Variants in ADARB2 observed in about 807,000 individuals in gnomAD.
ADARB2 encodes the protein adenosine deaminase RNA specific B2 (inactive).
Under a neutral mutation model 62.2 loss-of-function variants are expected in ADARB2, and 25 were observed. That is an observed-to-expected ratio of 0.40 (90% CI 0.29 to 0.56). ADARB2 has a LOEUF of 0.56. ADARB2 is among the 20% of genes least tolerant of loss of function. The pLI is 0.43. For synonymous variants in ADARB2, 572 were observed against 500.8 expected, an observed-to-expected ratio of 1.14 and a Z score of -1.90; for missense variants, 1,071 against 1,077.4, an observed-to-expected ratio of 0.99 and a Z score of 0.08.
chr10:1,352,156 C>T (rs1379504721), intron 3 of ADARB2, among the ~76,000 whole-genome samples: 1 of 151,944 alleles, frequency 6.6e-6, no homozygotes, highest in Admixed American at 6.6e-5. Flanking sequence ...TCATCTGTTA[C>T]CTATCTTGTC....
At chr10:1,444,413 A>G (rs78812530) in intron 1 of ADARB2, among the ~76,000 whole-genome samples, 215 of 140,776 alleles carry the variant, frequency 1.5e-3, no homozygotes, top group African/African-American at 5.6e-3. Context: ...CCATCTATCC[A>G]TCCTCTATCC....
intron 1 of ADARB2, among the ~76,000 whole-genome samples, chr10:1,388,441 C>A (rs567356132): frequency 6.6e-6 from 1 of 152,058 alleles, no homozygotes; most frequent in Non-Finnish European, 1.5e-5. Flanking sequence ...CTGACTTTAT[C>A]CTCATGGCAT....
intron 1 of ADARB2, among the ~76,000 whole-genome samples, chr10:1,532,960 G>A (rs899317721): frequency 2.0e-4 from 30 of 152,180 alleles, no homozygotes; most frequent in African/African-American, 7.2e-4. Flanking sequence ...ACCCTGCCCT[G>A]AAATGAAGGG....
intron 1 of ADARB2, among the ~76,000 whole-genome samples, chr10:1,516,573 G>T (rs1832012349): frequency 6.6e-6 from 1 of 152,202 alleles, no homozygotes; most frequent in Middle Eastern, 3.4e-3. Context: ...TGTGCGGGCT[G>T]CTCTGTGCTT....
chr10:1,461,671 TTC>T (rs148603169), intron 1 of ADARB2, among the ~76,000 whole-genome samples: 11,074 of 139,202 alleles, frequency 0.08, 460 homozygotes, highest in East Asian at 0.15. Flanking sequence ...TCTTTTTTTT[TTC>T]CTTTTTTTCT....
intron 1 of ADARB2, among the ~76,000 whole-genome samples, chr10:1,610,469 G>A (rs1189387989): frequency 6.6e-6 from 1 of 152,162 alleles, no homozygotes; most frequent in Non-Finnish European, 1.5e-5. Flanking sequence ...TACTTTTCTG[G>A]GTAAAACAAG....
At chr10:1,548,125 G>A (rs1237185809) in intron 1 of ADARB2, among the ~76,000 whole-genome samples, 10 of 152,246 alleles carry the variant, frequency 6.6e-5, no homozygotes, top group African/African-American at 9.6e-5. Context: ...AACCTTGGAC[G>A]CCGAAGCTCA....
chr10:1,246,804 T>C (rs575859176), intron 4 of ADARB2, among the ~76,000 whole-genome samples: 37 of 151,456 alleles, frequency 2.4e-4, no homozygotes, highest in Admixed American at 2.4e-3. Context: ...TGGCTTAGGA[T>C]TGACTTGGTG....
chr10:1,435,701 C>T (rs556228260), intron 1 of ADARB2, among the ~76,000 whole-genome samples: 12 of 152,336 alleles, frequency 7.9e-5, no homozygotes, highest in African/African-American at 2.9e-4. Context: ...CTCAGGCCTG[C>T]CTGCGTCCAG....
intron 1 of ADARB2, among the ~76,000 whole-genome samples, chr10:1,692,897 G>A (rs1456599064): frequency 2.0e-5 from 3 of 152,160 alleles, no homozygotes; most frequent in African/African-American, 7.2e-5. Flanking sequence ...AAGACTTGCA[G>A]AGTTATTCAT....
chr10:1,727,923 G>T (rs1835187747), intron 1 of ADARB2, among the ~76,000 whole-genome samples: 1 of 152,182 alleles, frequency 6.6e-6, no homozygotes, highest in Non-Finnish European at 1.5e-5. Flanking sequence ...TACAGTTTTT[G>T]TCTAAAGACA....
intron 3 of ADARB2, among the ~76,000 whole-genome samples, chr10:1,338,674 C>T (rs556297416): frequency 4.1e-4 from 62 of 151,852 alleles, no homozygotes; most frequent in African/African-American, 1.3e-3. Flanking sequence ...GTGGCTCCTA[C>T]GTGGGCCAGC....
chr10:1,608,962 A>G (rs1447250102), intron 1 of ADARB2, among the ~76,000 whole-genome samples: 1 of 151,980 alleles, frequency 6.6e-6, no homozygotes, highest in Non-Finnish European at 1.5e-5. Flanking sequence ...CAGCAACACC[A>G]CATTAAACCG....
chr10:1,428,933 A>C (rs562891102), intron 1 of ADARB2, among the ~76,000 whole-genome samples: 11 of 152,162 alleles, frequency 7.2e-5, no homozygotes, highest in African/African-American at 2.2e-4. Context: ...AAATCTGAAT[A>C]AGGTGGGTGG....
intron 6 of ADARB2, among the ~76,000 whole-genome samples, chr10:1,229,718 AT>A (rs1830783670): frequency 3.3e-5 from 2 of 60,198 alleles, no homozygotes; most frequent in Non-Finnish European, 1.0e-4. Flanking sequence ...ATGCGTGTTC[AT>A]GTGTGCACTT....
intron 4 of ADARB2, among the ~76,000 whole-genome samples, chr10:1,253,357 A>C (rs541614792): frequency 3.3e-4 from 51 of 152,378 alleles, no homozygotes; most frequent in Non-Finnish European, 5.3e-4. Context: ...TGCAATGAGA[A>C]CAAGAGGGCT....
intron 1 of ADARB2, among the ~76,000 whole-genome samples, chr10:1,687,817 GA>G (rs1010421308): frequency 5.5e-4 from 84 of 152,208 alleles, no homozygotes; most frequent in African/African-American, 1.9e-3. Context: ...GGCCGGGGGG[GA>G]AAACCACCCA....
Position 1,399,844 on chromosome 10 carries a change from G to T in ADARB2, c.101-20684C>A, listed in dbSNP as rs183420104. Among the ~76,000 whole-genome samples, 438 of 152,258 alleles carry T rather than the reference G, an allele frequency of 2.9e-3. 3 individuals are homozygous for T. The highest frequency in any genetic ancestry group is 3.9e-3 in the Non-Finnish European group (262 of 68,016). On this transcript the variant is annotated intron_variant, in intron 1 of 9. Coordinates refer to ENST00000381312, the MANE Select transcript of ADARB2 (RefSeq NM_018702.4). ...AAACAAAGGGAAGAAAACCCAGCAG[G>T]GGGCTGCCCTTGAGAGTGCCCTGAG...
In ADARB2 at chr10:1,670,979, C is replaced by T. The variant is rs558133749; in HGVS notation, c.100+66072G>A. On this transcript the variant is annotated intron_variant, in intron 1 of 9. Transcript: ENST00000381312. ...ATTACACATCTATTGAGTGAGTCAG[C>T]TGCACACCTCAAGCCTTTTCCTGAT... 1.5e-3 allele frequency among the ~76,000 whole-genome samples: 230 copies of T among 152,350 alleles called. 1 individual carries two copies. Among genetic ancestry groups the T allele is most frequent in the Admixed American group, 5.2e-3 (79 of 15,310 alleles).
Sources: allele counts gnomAD v4.1 joint callset (sites outside exome capture counted in the v4.1 genomes callset), GRCh38; gene constraint gnomAD v4.1.1; transcripts MANE v1.5; gene names NCBI Gene and HGNC (gene_info 2026-07-23, HGNC 2026-07-21).